Variants in ABTB3 observed in about 807,000 individuals in gnomAD.
The protein encoded by ABTB3 is ankyrin repeat and BTB domain containing 3.
the ABTB3 span, among the ~76,000 whole-genome samples, chr12:107,441,685 C>G: frequency 6.6e-6 from 1 of 150,426 alleles, no homozygotes; most frequent in African/African-American, 2.5e-5. Flanking sequence ...CACCTAAAAT[C>G]CTAGCACTTT....
the ABTB3 span, among the ~76,000 whole-genome samples, chr12:107,469,960 CTTTCTT>C: frequency 1.6e-4 from 11 of 68,606 alleles, no homozygotes; most frequent in African/African-American, 1.0e-3. Context: ...TTCTTTCTTT[CTTTCTT>C]TCTTTCTTTC....
At chr12:107,541,453 A>G in the ABTB3 span, among the ~76,000 whole-genome samples, 1 of 152,362 alleles carries the variant, frequency 6.6e-6, no homozygotes, top group African/African-American at 2.4e-5. Flanking sequence ...CTTTCTCTGT[A>G]GCGAGATAGA....
the ABTB3 span, among the ~76,000 whole-genome samples, chr12:107,474,130 C>T: frequency 6.6e-6 from 1 of 152,204 alleles, no homozygotes. Flanking sequence ...CTGCTGTGTA[C>T]ATCCTAGGGC....
At chr12:107,492,648 C>T in the ABTB3 span, among the ~76,000 whole-genome samples, 6 of 152,142 alleles carry the variant, frequency 3.9e-5, no homozygotes, top group Non-Finnish European at 8.8e-5. Flanking sequence ...CCTTCATAGA[C>T]ACTTCTGTCT....
the ABTB3 span, among the ~76,000 whole-genome samples, chr12:107,424,071 A>G: frequency 6.6e-6 from 1 of 152,262 alleles, no homozygotes; most frequent in African/African-American, 2.4e-5. Flanking sequence ...ACGTGGGAGG[A>G]CTCAGCTAAT....
the ABTB3 span, chr12:107,581,179 G>A: frequency 6.5e-7 from 1 of 1,542,098 alleles, no homozygotes; most frequent in Non-Finnish European, 8.7e-7. Context: ...CGCCGCTGAT[G>A]GAGTGGATCC....
chr12:107,348,561 A>G, the ABTB3 span, among the ~76,000 whole-genome samples: 1 of 152,158 alleles, frequency 6.6e-6, no homozygotes, highest in Non-Finnish European at 1.5e-5. Flanking sequence ...TATCTCTACA[A>G]AGAAAATTAA....
chr12:107,586,279 G>T, the ABTB3 span, among the ~76,000 whole-genome samples: 2 of 151,988 alleles, frequency 1.3e-5, no homozygotes, highest in Non-Finnish European at 2.9e-5. Flanking sequence ...ATGTCCACAC[G>T]TTGACCCCTG....
chr12:107,622,097 C>T, the ABTB3 span, among the ~76,000 whole-genome samples: 4 of 152,016 alleles, frequency 2.6e-5, no homozygotes, highest in Non-Finnish European at 5.9e-5. Flanking sequence ...AAAAAAATAG[C>T]TGGGCGTGGT....
the ABTB3 span, among the ~76,000 whole-genome samples, chr12:107,645,273 T>C: frequency 6.6e-6 from 1 of 152,102 alleles, no homozygotes; most frequent in Admixed American, 6.5e-5. Flanking sequence ...GGCCCAGAAT[T>C]CACATTTCTA....
the ABTB3 span, among the ~76,000 whole-genome samples, chr12:107,375,697 A>C: frequency 1.3e-5 from 2 of 152,158 alleles, no homozygotes; most frequent in African/African-American, 4.8e-5. Flanking sequence ...GACCTGGGCC[A>C]GATGGTCTCT....
the ABTB3 span, among the ~76,000 whole-genome samples, chr12:107,447,461 C>T: frequency 0.011 from 1,616 of 152,266 alleles, 28 homozygotes; most frequent in African/African-American, 0.036. Flanking sequence ...TTTAAACCTC[C>T]TGTCCCCCTT....
the ABTB3 span, among the ~76,000 whole-genome samples, chr12:107,426,149 A>G: frequency 2.6e-5 from 4 of 151,936 alleles, no homozygotes; most frequent in African/African-American, 9.7e-5. Context: ...ATTCTCTCCA[A>G]TTTTGTGCCA....
At chr12:107,471,717 T>C in the ABTB3 span, among the ~76,000 whole-genome samples, 5,087 of 152,218 alleles carry the variant, frequency 0.033, 261 homozygotes, top group African/African-American at 0.12. Context: ...GGTCAGGCAG[T>C]GTCCTCTCTA....
chr12:107,465,809 C>T, the ABTB3 span, among the ~76,000 whole-genome samples: 40 of 152,276 alleles, frequency 2.6e-4, 1 homozygote, highest in African/African-American at 9.1e-4. Flanking sequence ...TCCCAGAAAA[C>T]ACACATCCAC....
the ABTB3 span, among the ~76,000 whole-genome samples, chr12:107,501,433 C>T: frequency 6.6e-6 from 1 of 151,104 alleles, no homozygotes; most frequent in Non-Finnish European, 1.5e-5. Flanking sequence ...GGCGCGGTGG[C>T]TCACATTTGT....
At chr12:107,381,132 T>C in the ABTB3 span, among the ~76,000 whole-genome samples, 1 of 152,174 alleles carries the variant, frequency 6.6e-6, no homozygotes, top group African/African-American at 2.4e-5. Flanking sequence ...GCCTTTGTCT[T>C]CATCATTCTC....
the ABTB3 span, among the ~76,000 whole-genome samples, chr12:107,425,826 G>A: frequency 6.6e-6 from 1 of 152,222 alleles, no homozygotes; most frequent in African/African-American, 2.4e-5. Context: ...CTCAGTTGGT[G>A]CCAATCCTCC....
the ABTB3 span, among the ~76,000 whole-genome samples, chr12:107,343,479 G>C: frequency 6.6e-6 from 1 of 152,180 alleles, no homozygotes; most frequent in Non-Finnish European, 1.5e-5. Context: ...TAATAACTTT[G>C]ATTTGAAAGT....
Sources: gnomAD v4.1 joint callset for allele counts (sites outside exome capture counted in the v4.1 genomes callset) on GRCh38, gnomAD v4.1.1 for gene constraint, MANE v1.5 for transcripts, NCBI Gene and HGNC (gene_info 2026-07-23, HGNC 2026-07-21) for gene names.